CUL2: variants seen among roughly 807,000 people sequenced by gnomAD.
The protein encoded by CUL2 is cullin-2.
CUL2 carries 22 observed loss-of-function variants against 110.2 expected under a neutral mutation model. The ratio of observed to expected loss-of-function variants is 0.20; its 90% CI spans 0.14 to 0.28. The LOEUF is 0.28. Ranked by LOEUF, CUL2 falls within the 10% of genes least tolerant of loss-of-function variation. CUL2 has a pLI of 1.00. For synonymous variants in CUL2, 279 were observed against 293.2 expected (o/e 0.95, Z 0.49); for missense variants, 631 against 905.5 (o/e 0.70, Z 3.89).
chr10:35,093,598 G>A (rs1441386354), upstream of CUL2, among the ~76,000 whole-genome samples: 1 of 145,598 alleles, frequency 6.9e-6, no homozygotes, highest in Non-Finnish European at 1.5e-5. Flanking sequence ...GGCAGATGTT[G>A]CAGTGAGCCA....
At chr10:35,094,392 C>T (rs563525487), upstream of CUL2, among the ~76,000 whole-genome samples, 225 of 152,258 alleles carry the variant, frequency 1.5e-3, no homozygotes, top group Middle Eastern at 3.4e-3. Context: ...CGTGCCACCA[C>T]GCCCAGCTAA....
chr10:35,070,577 G>A (rs1306014944), intron 2 of CUL2, among the ~76,000 whole-genome samples: 1 of 152,184 alleles, frequency 6.6e-6, no homozygotes. Flanking sequence ...GCATCCTAGA[G>A]AAATCACCAA....
At chr10:35,037,183 GA>G (rs2085643939) in intron 9 of CUL2, among the ~76,000 whole-genome samples, 1 of 152,132 alleles carries the variant, frequency 6.6e-6, no homozygotes, top group South Asian at 2.1e-4. Flanking sequence ...ACTCAATAGT[GA>G]ATTGATTTTG....
rs2134620770 is a variant in CUL2, at chr10:35,013,679, T to C, written c.1989+20A>G. 6.7e-7 allele frequency: 1 copy of C among 1,490,018 alleles called. No homozygotes were observed. Among genetic ancestry groups the C allele is most frequent in the Non-Finnish European group, 9.2e-7 (1 of 1,089,280 alleles). 92.3% of individuals were successfully genotyped at this position (1,490,018 alleles called of 1,614,324 possible). A position where few individuals can be genotyped will look rare whatever the true frequency, so the allele number is the denominator to read the frequency against. The stretch of plus-strand genomic sequence containing the variant: ...TAAATGTTTCCCCCTCAAAAAAAAC[T>C]TGACATTAAAAGCACTTACTTGTGG... On this transcript the variant is annotated intron_variant, in intron 19 of 20. Coordinates refer to ENST00000374749, the MANE Select transcript of CUL2 (RefSeq NM_003591.4).
At chr10:35,020,115 T>C (rs1013910439) in intron 17 of CUL2, among the ~76,000 whole-genome samples, 1 of 151,868 alleles carries the variant, frequency 6.6e-6, no homozygotes, top group Non-Finnish European at 1.5e-5. Flanking sequence ...TAATCAAACC[T>C]TTAGAACTAA....
At chr10:35,121,809 CAAAA>C (rs148455667) in intron 1 of CUL2, among the ~76,000 whole-genome samples, 1 of 94,118 alleles carries the variant, frequency 1.1e-5, no homozygotes. Context: ...GACCCTGTCT[CAAAA>C]AAAAAAAAAA....
chr10:35,118,480 T>C (rs1175032695), intron 1 of CUL2: 1 of 152,254 alleles, frequency 6.6e-6, no homozygotes, highest in East Asian at 1.9e-4. Context: ...GTTATTTCAT[T>C]AATATTTGTC....
chr10:35,011,331 G>C (rs1169621167), intron 20 of CUL2, among the ~76,000 whole-genome samples: 1 of 151,438 alleles, frequency 6.6e-6, no homozygotes, highest in African/African-American at 2.4e-5. Context: ...CAGATTACAG[G>C]TGTCCACTGG....
At chr10:35,099,615 AT>A (rs1417159845) in intron 2 of CUL2, 3 of 152,110 alleles carry the variant, frequency 2.0e-5, no homozygotes, top group Non-Finnish European at 2.9e-5. Flanking sequence ...AAATAAAAAA[AT>A]AAAATAAAAA....
chr10:35,028,214 A>AGT (rs1219818448), intron 16 of CUL2, among the ~76,000 whole-genome samples: 2 of 152,192 alleles, frequency 1.3e-5, no homozygotes, highest in East Asian at 1.9e-4. Context: ...CTGTGCTACA[A>AGT]TCTCTTTTCA....
In CUL2 at chr10:35,009,185, T is replaced by TG. The variant is rs2084833525; in HGVS notation, c.*1125_*1126insC. On this transcript the variant is annotated 3_prime_UTR_variant, in exon 21 of 21. Coordinates refer to ENST00000374749, the MANE Select transcript of CUL2 (RefSeq NM_003591.4). ...AGTACTCTTAACACTGCTGTTGAGA[T>TG]ATATATATATATATATTATATATAT... The TG allele has an allele frequency of 1.0e-5, 1 of 99,942 alleles. No individual in the cohort carries two copies. 6.2% of individuals were successfully genotyped at this position (99,942 alleles called of 1,614,324 possible).
intron 1 of CUL2, among the ~76,000 whole-genome samples, chr10:35,084,833 T>G (rs73258798): frequency 0.03 from 4,552 of 152,218 alleles, 222 homozygotes; most frequent in African/African-American, 0.1. Flanking sequence ...AAACAACTGA[T>G]AGTTGGACAG....
At chr10:35,034,380 A>G (rs186891180) in intron 10 of CUL2, among the ~76,000 whole-genome samples, 56 of 152,350 alleles carry the variant, frequency 3.7e-4, no homozygotes, top group African/African-American at 1.3e-3. Flanking sequence ...AAAATAGAAA[A>G]CTTACACATT....
At position 35,044,065 on chromosome 10, in the gene CUL2, A is replaced by AAC. The variant is rs1430772838; in HGVS notation, c.714+500_714+501insGT. The stretch of plus-strand genomic sequence containing the variant: ...GACCACATCTCCAAAAAAAAAAAAA[A>AAC]AAAAAAAAAACACCTCACGTGGGGT... On this transcript the variant is annotated intron_variant, in intron 8 of 20. Transcript: ENST00000374749. Among the ~76,000 whole-genome samples the AAC allele has an allele frequency of 4.2e-3, 608 of 144,286 alleles. 11 individuals carry two copies. Among genetic ancestry groups the AAC allele is most frequent in the African/African-American group, 0.017 (595 of 34,420 alleles). The allele number at this position is 144,286 out of a possible 152,430, so 94.7% of individuals were successfully genotyped here.
rs561748008 is a variant in CUL2, at chr10:35,023,681, A to G, written c.1684+1451T>C. Among the ~76,000 whole-genome samples the G allele has an allele frequency of 7.2e-4, 109 of 152,244 alleles. 1 individual carries two copies. The highest frequency in any genetic ancestry group is 2.6e-3 in the African/African-American group (107 of 41,532). ...AATGAGAATAACCAAGAATGTTTAAACTCCCCCAGACAGATATTCATGGAA... is the reference window on the plus strand; with the variant it reads ...AATGAGAATAACCAAGAATGTTTAAGCTCCCCCAGACAGATATTCATGGAA... On this transcript the variant is annotated intron_variant, in intron 17 of 20. Coordinates refer to ENST00000374749, the MANE Select transcript of CUL2 (RefSeq NM_003591.4).
chr10:35,095,980 GGCT>G (rs1349008530), intron 2 of CUL2, among the ~76,000 whole-genome samples: 1 of 152,202 alleles, frequency 6.6e-6, no homozygotes, highest in Non-Finnish European at 1.5e-5. Context: ...TGGGCGTGAT[GGCT>G]TAGCCTGTAA....
chr10:35,044,443 A>G (rs2085883375), intron 8 of CUL2, 123 bp downstream of exon 8: 1 of 602,610 alleles, frequency 1.7e-6, no homozygotes. Context: ...TAATGATTAA[A>G]TAGATTAAAT....
Position 35,025,217 on chromosome 10 carries a change from A to C in CUL2, c.1618-19T>G, listed in dbSNP as rs201400506. 357 of 1,536,678 alleles carry C rather than the reference A, an allele frequency of 2.3e-4. No homozygotes were observed. Among genetic ancestry groups the C allele is most frequent in the East Asian group, 8.1e-4 (35 of 43,280 alleles). On this transcript the variant is annotated intron_variant, in intron 16 of 20. Coordinates refer to ENST00000374749, the MANE Select transcript of CUL2 (RefSeq NM_003591.4). ...ATTCAAACTGTAAAAAAAAAAAAAA[A>C]ACACACATTATTTTTAGCTACTATA...
intron 1 of CUL2, among the ~76,000 whole-genome samples, chr10:35,107,068 G>C (rs567819384): frequency 6.6e-6 from 1 of 151,810 alleles, no homozygotes; most frequent in African/African-American, 2.4e-5. Flanking sequence ...TCCACCTCCC[G>C]GGTTCACACC....
Sources: gnomAD v4.1 joint callset for allele counts (sites outside exome capture counted in the v4.1 genomes callset) on GRCh38, gnomAD v4.1.1 for gene constraint, MANE v1.5 for transcripts, NCBI Gene and HGNC (gene_info 2026-07-23, HGNC 2026-07-21) for gene names.